The following SOX6 variants were observed in gnomAD, a reference collection of about 807,000 sequenced individuals.
The protein encoded by SOX6 is transcription factor SOX-6.
Under a neutral mutation model 97.8 loss-of-function variants are expected in SOX6, and 11 were observed. The ratio of observed to expected loss-of-function variants is 0.11; its 90% CI spans 0.07 to 0.19. The LOEUF (loss-of-function observed/expected upper bound fraction) is 0.19. SOX6 is among the 10% of genes least tolerant of loss of function. The pLI, the probability that SOX6 is intolerant of heterozygous loss-of-function variation, is 1.00. For missense variants in SOX6, 810 were observed against 1,039.5 expected (o/e 0.78, Z 3.04); for synonymous variants, 360 against 371.4 (o/e 0.97, Z 0.35).
chr11:16,231,081 T>C (rs898050417), intron 4 of SOX6, among the ~76,000 whole-genome samples: 8 of 151,748 alleles, frequency 5.3e-5, no homozygotes, highest in Admixed American at 4.6e-4. Context: ...TATAGCCAAC[T>C]AATTGGATGA....
In SOX6 at chr11:15,971,754, C is replaced by T. The variant is rs78243633; in HGVS notation, c.*1055G>A. On this transcript the variant is annotated 3_prime_UTR_variant, in exon 16 of 16. Transcript: ENST00000683767. ...ACACAGGAGAAGGAGGTGAAAAGGACGGAAAAGTTCTTCGGGGAAGGAAGG... is the reference window on the plus strand; with the variant it reads ...ACACAGGAGAAGGAGGTGAAAAGGATGGAAAAGTTCTTCGGGGAAGGAAGG... The T allele has an allele frequency of 0.019, 2,838 of 151,874 alleles. 68 individuals carry two copies. The highest frequency in any genetic ancestry group is 0.06 in the African/African-American group (2,484 of 41,196). 9.4% of individuals were successfully genotyped at this position (151,874 alleles called of 1,614,324 possible).
intron 1 of SOX6, among the ~76,000 whole-genome samples, chr11:16,382,814 T>C (rs1486347394): frequency 6.6e-6 from 1 of 151,906 alleles, no homozygotes; most frequent in Non-Finnish European, 1.5e-5. Flanking sequence ...TCCAGGGTAG[T>C]TGTACTAGTT....
intron 1 of SOX6, among the ~76,000 whole-genome samples, chr11:16,438,067 T>C (rs1418145598): frequency 6.6e-6 from 1 of 151,978 alleles, no homozygotes; most frequent in Non-Finnish European, 1.5e-5. Context: ...TATCAATGAG[T>C]TTAATAAGGA....
chr11:16,126,554 G>A (rs1376613079), intron 6 of SOX6, among the ~76,000 whole-genome samples: 1 of 152,094 alleles, frequency 6.6e-6, no homozygotes, highest in Admixed American at 6.6e-5. Flanking sequence ...TACAGCTGCT[G>A]AAACACAATC....
chr11:16,061,863 C>T lies in SOX6; in HGVS notation c.1102-5962G>A, dbSNP rs540155204. 1.3e-4 allele frequency among the ~76,000 whole-genome samples: 19 copies of T among 151,740 alleles called. 1 individual carries two copies. In the South Asian group the frequency reaches 3.5e-3, roughly 28 times the overall value. On this transcript the variant is annotated intron_variant, in intron 9 of 15. Transcript: ENST00000683767. The stretch of plus-strand genomic sequence containing the variant: ...ATATGCAGGAGAATGAGACTGAATG[C>T]CTATCTCTCCCCATATACAAAAATC...
At chr11:16,668,111 C>T (rs866906456) in intron 3 of SOX6, among the ~76,000 whole-genome samples, 53 of 152,154 alleles carry the variant, frequency 3.5e-4, no homozygotes, top group African/African-American at 1.0e-3. Context: ...TGGTGGCTCA[C>T]GTCTGTAATC....
intron 3 of SOX6, among the ~76,000 whole-genome samples, chr11:16,690,656 G>A (rs1222589228): frequency 1.3e-5 from 2 of 152,026 alleles, no homozygotes; most frequent in South Asian, 2.1e-4. Flanking sequence ...CTTTTCATGC[G>A]ATGCAAGGAA....
intron 1 of SOX6, among the ~76,000 whole-genome samples, chr11:16,413,543 G>A (rs1858865641): frequency 9.8e-6 from 1 of 102,448 alleles, no homozygotes; most frequent in Admixed American, 1.2e-4. Context: ...TTTTTTAGAT[G>A]GAGTTTCACT....
chr11:16,501,113 T>C (rs1359810488), intron 4 of SOX6, among the ~76,000 whole-genome samples: 2 of 152,052 alleles, frequency 1.3e-5, no homozygotes, highest in African/African-American at 4.8e-5. Flanking sequence ...AAAACAGATA[T>C]ATAGACCAAT....
intron 1 of SOX6, among the ~76,000 whole-genome samples, chr11:16,410,018 G>C (rs527931254): frequency 6.6e-6 from 1 of 152,108 alleles, no homozygotes; most frequent in South Asian, 2.1e-4. Flanking sequence ...GTGGGGATGG[G>C]GAGGAATAGG....
At chr11:16,026,638 T>C (rs924905686) in intron 12 of SOX6, among the ~76,000 whole-genome samples, 2 of 152,164 alleles carry the variant, frequency 1.3e-5, no homozygotes, top group African/African-American at 4.8e-5. Context: ...AACTCCTTAA[T>C]GTCAAGATTT....
At chr11:16,459,003 G>A (rs1859867870) in intron 1 of SOX6, among the ~76,000 whole-genome samples, 1 of 152,052 alleles carries the variant, frequency 6.6e-6, no homozygotes, top group African/African-American at 2.4e-5. Flanking sequence ...GATATGCAGA[G>A]AGTCTGACAA....
intron 1 of SOX6, among the ~76,000 whole-genome samples, chr11:16,352,168 C>A (rs11023926): frequency 0.15 from 22,329 of 151,578 alleles, 1,763 homozygotes; most frequent in South Asian, 0.17. Context: ...TATTCCCTGG[C>A]AAAGAAAGCC....
intron 3 of SOX6, among the ~76,000 whole-genome samples, chr11:16,614,481 A>G (rs1219959932): frequency 2.0e-5 from 3 of 152,190 alleles, no homozygotes; most frequent in Non-Finnish European, 4.4e-5. Context: ...AGTCCTTCTG[A>G]GTGTCTAACA....
intron 1 of SOX6, among the ~76,000 whole-genome samples, chr11:16,369,395 A>G (rs1328299067): frequency 1.3e-5 from 2 of 152,092 alleles, no homozygotes; most frequent in Admixed American, 6.6e-5. Flanking sequence ...CTCCTAACAT[A>G]CTATATAATA....
chr11:16,646,214 T>C (rs1408437590), intron 3 of SOX6: 3 of 152,212 alleles, frequency 2.0e-5, no homozygotes, highest in Non-Finnish European at 4.4e-5. Flanking sequence ...AGATGTGGCA[T>C]TGGATACATC....
At chr11:16,733,723 T>TAA (rs34111311) in intron 2 of SOX6, among the ~76,000 whole-genome samples, 5 of 116,648 alleles carry the variant, frequency 4.3e-5, no homozygotes, top group South Asian at 6.0e-4. Context: ...ACTTAAAGTA[T>TAA]AAAAAAAAAA....
chr11:16,547,381 A>C (rs1847633539), intron 4 of SOX6, among the ~76,000 whole-genome samples: 2 of 152,142 alleles, frequency 1.3e-5, no homozygotes, highest in Non-Finnish European at 2.9e-5. Flanking sequence ...TCAATGGAAG[A>C]AAAGATAAAG....
chr11:16,002,780 G>T (rs764239412), intron 13 of SOX6, among the ~76,000 whole-genome samples: 5 of 152,170 alleles, frequency 3.3e-5, no homozygotes, highest in Non-Finnish European at 5.9e-5. Context: ...GTGTTATTCA[G>T]CAGCTTTTGG....
Sources: allele counts gnomAD v4.1 joint callset (sites outside exome capture counted in the v4.1 genomes callset), GRCh38; gene constraint gnomAD v4.1.1; transcripts MANE v1.5; gene names NCBI Gene and HGNC (gene_info 2026-07-23, HGNC 2026-07-21).